MAP7: variants seen among roughly 807,000 people sequenced by gnomAD.
The protein encoded by MAP7 is ensconsin.
Under a neutral mutation model 94.8 loss-of-function variants are expected in MAP7, and 52 were observed. The ratio of observed to expected loss-of-function variants is 0.55; its 90% CI spans 0.44 to 0.69. The LOEUF (loss-of-function observed/expected upper bound fraction) is 0.69, where lower values mean the gene tolerates loss of function less well. MAP7 is among the 30% of genes least tolerant of loss of function. MAP7 has a pLI of 0.00. For missense variants in MAP7, 940 were observed against 964.6 expected (o/e 0.97, Z 0.34); for synonymous variants, 350 against 357.0 (o/e 0.98, Z 0.22).
At chr6:136,541,723 T>G (rs1829335995) in intron 1 of MAP7, among the ~76,000 whole-genome samples, 1 of 152,166 alleles carries the variant, frequency 6.6e-6, no homozygotes, top group Non-Finnish European at 1.5e-5. Context: ...TTGAATGCAG[T>G]TTTTCTCAGT....
intron 1 of MAP7, among the ~76,000 whole-genome samples, chr6:136,497,723 C>T (rs564124175): frequency 1.4e-5 from 2 of 141,874 alleles, no homozygotes; most frequent in African/African-American, 5.3e-5. Context: ...CGCTTGAACC[C>T]GGGAGGTGGA....
chr6:136,526,293 A>G (rs1827862137), intron 1 of MAP7: 1 of 1,036,016 alleles, frequency 9.7e-7, no homozygotes, highest in African/African-American at 1.7e-5. Context: ...ACACACACAC[A>G]CACACACTCC....
Position 136,535,950 on chromosome 6 carries a change from A to G in MAP7, c.67+14392T>C, listed in dbSNP as rs375440932. On this transcript the variant is annotated intron_variant, in intron 1 of 17. Coordinates refer to ENST00000354570, the MANE Select transcript of MAP7 (RefSeq NM_003980.6). The stretch of plus-strand genomic sequence containing the variant: ...TGTGATGTTCCCCTTCCCGTGTCCA[A>G]GTGTTCTCACTGTTCAGTTCCCACC... 1.4e-4 allele frequency among the ~76,000 whole-genome samples: 21 copies of G among 151,876 alleles called. No homozygotes were observed. In the East Asian group the frequency reaches 2.1e-3, roughly 15 times the overall value.
chr6:136,394,968 A>ATATATATATATATC (rs1477760854), intron 3 of MAP7, among the ~76,000 whole-genome samples: 17 of 130,590 alleles, frequency 1.3e-4, no homozygotes, highest in African/African-American at 4.9e-4. Context: ...ATATATATAT[A>ATATATATATATATC]TATCACATTT....
intron 1 of MAP7, among the ~76,000 whole-genome samples, chr6:136,456,822 G>GAAGAAGAAGAAGAAGGAA (rs1554259490): frequency 7.7e-4 from 53 of 69,008 alleles, no homozygotes; most frequent in Non-Finnish European, 1.1e-3. Flanking sequence ...AGAAGAAGAA[G>GAAGAAGAAGAAGAAGGAA]GAAGAAGAAG....
intron 5 of MAP7, among the ~76,000 whole-genome samples, chr6:136,385,073 C>T (rs947555743): frequency 1.3e-5 from 2 of 152,164 alleles, no homozygotes; most frequent in African/African-American, 2.4e-5. Context: ...AACAAAAATA[C>T]TCCTTGTGGG....
chr6:136,507,096 A>C (rs1821752961), intron 1 of MAP7, among the ~76,000 whole-genome samples: 1 of 152,104 alleles, frequency 6.6e-6, no homozygotes, highest in Non-Finnish European at 1.5e-5. Flanking sequence ...TTTTTTGCTC[A>C]ATTAAACTCC....
At chr6:136,360,969 G>C in intron 12 of MAP7, 36 bp downstream of exon 12, 1 of 1,552,926 alleles carries the variant, frequency 6.4e-7, no homozygotes, top group Non-Finnish European at 8.6e-7. Flanking sequence ...CTCCCTGCGG[G>C]ACTGGGGCCG....
intron 1 of MAP7, among the ~76,000 whole-genome samples, chr6:136,496,196 G>A (rs1383183981): frequency 6.6e-6 from 1 of 152,218 alleles, no homozygotes; most frequent in Non-Finnish European, 1.5e-5. Context: ...TTTTCCCCCA[G>A]GGGAAGAAAA....
chr6:136,381,877 T>TACACAAACACACACAC (rs1390424443), intron 6 of MAP7, among the ~76,000 whole-genome samples: 10 of 93,042 alleles, frequency 1.1e-4, no homozygotes, highest in African/African-American at 4.3e-4. Flanking sequence ...CTTCTAACCT[T>TACACAAACACACACAC]ACACACACAC....
At chr6:136,381,522 T>C (rs1212104887) in intron 6 of MAP7, among the ~76,000 whole-genome samples, 3 of 152,140 alleles carry the variant, frequency 2.0e-5, no homozygotes, top group Non-Finnish European at 4.4e-5. Context: ...GAAGAAGTTT[T>C]AAAATTCTCA....
chr6:136,444,238 T>A (rs1798687332), intron 1 of MAP7, among the ~76,000 whole-genome samples: 1 of 152,210 alleles, frequency 6.6e-6, no homozygotes, highest in African/African-American at 2.4e-5. Flanking sequence ...TTACTTAAAA[T>A]GCAGATTCCT....
rs576921347 is a variant in MAP7, at chr6:136,441,543, G to A, written c.68-19744C>T. Among the ~76,000 whole-genome samples the A allele has an allele frequency of 5.9e-5, 9 of 152,246 alleles. No individual in the cohort carries two copies. The East Asian group carries it at 1.3e-3, about 23-fold the overall frequency. ...ATTTTGCTCTTTCAGCATATAGGTA[G>A]CTATTCTTCCTTCCCCTTTTTTGAT... is the stretch of plus-strand genomic sequence containing the variant. On this transcript the variant is annotated intron_variant, in intron 1 of 17. Coordinates refer to ENST00000354570, the MANE Select transcript of MAP7 (RefSeq NM_003980.6).
chr6:136,391,919 A>G (rs1562346604), intron 3 of MAP7, among the ~76,000 whole-genome samples: 1 of 152,252 alleles, frequency 6.6e-6, no homozygotes, highest in East Asian at 1.9e-4. Context: ...AAAAAGGTGG[A>G]TAAATTTTGA....
At chr6:136,436,665 C>A (rs1796459624) in intron 1 of MAP7, among the ~76,000 whole-genome samples, 1 of 152,198 alleles carries the variant, frequency 6.6e-6, no homozygotes. Flanking sequence ...CAGGTGTGAG[C>A]TACCACATCC....
At chr6:136,496,164 T>A (rs1818144933) in intron 1 of MAP7, among the ~76,000 whole-genome samples, 1 of 152,228 alleles carries the variant, frequency 6.6e-6, no homozygotes. Flanking sequence ...GGAAATTAAC[T>A]ATTTGCAAAA....
chr6:136,431,800 G>A (rs991752084), intron 1 of MAP7, among the ~76,000 whole-genome samples: 1 of 152,190 alleles, frequency 6.6e-6, no homozygotes, highest in Non-Finnish European at 1.5e-5. Context: ...TTACAGGCGT[G>A]AGCCACTGTG....
intron 1 of MAP7, among the ~76,000 whole-genome samples, chr6:136,522,867 C>T (rs1208742997): frequency 2.0e-5 from 3 of 152,030 alleles, no homozygotes; most frequent in Admixed American, 2.0e-4. Flanking sequence ...CCCATCCCTA[C>T]AAAAAGCTTT....
intron 1 of MAP7, among the ~76,000 whole-genome samples, chr6:136,473,619 T>C (rs73567690): frequency 8.1e-4 from 124 of 152,322 alleles, no homozygotes; most frequent in African/African-American, 2.9e-3. Context: ...CACTAACTTA[T>C]GTAGCAGATT....
Sources: allele counts gnomAD v4.1 joint callset (sites outside exome capture counted in the v4.1 genomes callset), GRCh38; gene constraint gnomAD v4.1.1; transcripts MANE v1.5; gene names NCBI Gene and HGNC (gene_info 2026-07-23, HGNC 2026-07-21).